Variants in DAB1 observed in about 807,000 individuals in gnomAD.
DAB1 encodes the protein disabled homolog 1.
In DAB1, 15 loss-of-function variants were observed where a neutral mutation model predicts 64.6. The ratio of observed to expected loss-of-function variants is 0.23; its 90% confidence interval spans 0.16 to 0.36. The LOEUF (loss-of-function observed/expected upper bound fraction) is 0.36. DAB1 is among the 10% of genes least tolerant of loss of function. The pLI is 1.00. For missense variants in DAB1, 596 were observed against 706.7 expected (o/e 0.84, Z 1.78); for synonymous variants, 235 against 251.9 (o/e 0.93, Z 0.64).
chr1:57,590,163 G>A (rs1645426675), intron 7 of DAB1, among the ~76,000 whole-genome samples: 1 of 152,128 alleles, frequency 6.6e-6, no homozygotes, highest in East Asian at 1.9e-4. Flanking sequence ...CTTTCAGATG[G>A]CAACCCTTTT....
At chr1:57,947,552 C>T (rs1645202092) in intron 5 of DAB1, among the ~76,000 whole-genome samples, 1 of 152,172 alleles carries the variant, frequency 6.6e-6, no homozygotes, top group Non-Finnish European at 1.5e-5. Flanking sequence ...TATTCTAGAC[C>T]TTGCCAAACG....
chr1:58,499,994 G>A (rs886596976), intron 3 of DAB1, among the ~76,000 whole-genome samples: 1 of 152,078 alleles, frequency 6.6e-6, no homozygotes, highest in Non-Finnish European at 1.5e-5. Context: ...ATTAATGCCA[G>A]AGAGTCTTCA....
At chr1:58,115,291 T>C (rs1570369971) in intron 5 of DAB1, among the ~76,000 whole-genome samples, 1 of 42,152 alleles carries the variant, frequency 2.4e-5, no homozygotes, top group African/African-American at 1.2e-4. Context: ...CTATGAGATA[T>C]CATCTCACAC....
intron 5 of DAB1, among the ~76,000 whole-genome samples, chr1:57,895,332 G>A (rs1297284030): frequency 2.6e-5 from 4 of 152,174 alleles, no homozygotes; most frequent in Non-Finnish European, 5.9e-5. Context: ...GAAGCTGAGA[G>A]GCTAAGTAAT....
intron 4 of DAB1, among the ~76,000 whole-genome samples, chr1:58,220,870 T>TAC (rs1440284422): frequency 4.8e-3 from 229 of 47,844 alleles, no homozygotes; most frequent in Admixed American, 0.011. Flanking sequence ...TATATACATA[T>TAC]ATACACACAC....
chr1:57,273,627 C>CCTAT (rs1671225626), intron 2 of DAB1, among the ~76,000 whole-genome samples: 1 of 130,778 alleles, frequency 7.6e-6, no homozygotes, highest in Non-Finnish European at 1.6e-5. Flanking sequence ...TCCCTCCCTC[C>CCTAT]CTCCCTCCCT....
At chr1:57,998,445 C>A (rs1196270114) in intron 5 of DAB1, among the ~76,000 whole-genome samples, 1 of 143,930 alleles carries the variant, frequency 6.9e-6, no homozygotes, top group Non-Finnish European at 1.5e-5. Flanking sequence ...CTCAGCTCAA[C>A]CTCTGCTTCC....
chr1:58,353,630 CCA>C (rs1354557149), intron 3 of DAB1, among the ~76,000 whole-genome samples: 2 of 152,088 alleles, frequency 1.3e-5, no homozygotes, highest in African/African-American at 4.8e-5. Flanking sequence ...AAAAGATTTT[CCA>C]TGTTTCAATT....
At position 57,846,404 on chromosome 1, in the gene DAB1, G is replaced by A. The variant is rs956491693; in HGVS notation, n.88-19949C>T. Among the ~76,000 whole-genome samples the A allele has an allele frequency of 5.4e-5, 8 of 148,714 alleles. No individual in the cohort carries two copies. In the South Asian group the frequency reaches 1.3e-3, roughly 24 times the overall value. On this transcript the variant is annotated intron_variant and non_coding_transcript_variant, in intron 1 of 1. Coordinates refer to the DAB1 transcript ENST00000477280. ...ACCCGGGAGGCAGAGCTTGCAGTAA[G>A]CCGAGATTGTGCCACTGCACTCCAG... is the stretch of plus-strand genomic sequence containing the variant.
chr1:58,542,712 T>C (rs1646641007), intron 1 of DAB1, among the ~76,000 whole-genome samples: 2 of 152,214 alleles, frequency 1.3e-5, no homozygotes, highest in Admixed American at 1.3e-4. Flanking sequence ...TGATTTACTG[T>C]AGTAGATAAG....
At chr1:58,242,442 G>T (rs964944516) in intron 4 of DAB1, among the ~76,000 whole-genome samples, 1 of 152,018 alleles carries the variant, frequency 6.6e-6, no homozygotes, top group Non-Finnish European at 1.5e-5. Flanking sequence ...AGCAGAATAT[G>T]TATAATTATA....
intron 5 of DAB1, among the ~76,000 whole-genome samples, chr1:58,128,438 G>A (rs1395065068): frequency 1.5e-5 from 2 of 133,826 alleles, no homozygotes; most frequent in Non-Finnish European, 3.1e-5. Flanking sequence ...TTTCCTAATT[G>A]AATACCCTTT....
chr1:57,992,426 GA>G (rs1646358707), intron 5 of DAB1, among the ~76,000 whole-genome samples: 4 of 152,116 alleles, frequency 2.6e-5, no homozygotes, highest in African/African-American at 9.7e-5. Flanking sequence ...CAAAGTTATT[GA>G]AAAATAGGCA....
intron 2 of DAB1, among the ~76,000 whole-genome samples, chr1:57,167,839 G>A (rs1661349097): frequency 2.0e-5 from 3 of 152,160 alleles, no homozygotes; most frequent in Admixed American, 2.0e-4. Flanking sequence ...GTGACTTGCA[G>A]GTCTGGTATA....
intron 5 of DAB1, among the ~76,000 whole-genome samples, chr1:58,127,960 A>C (rs1653244305): frequency 1.3e-5 from 2 of 152,080 alleles, no homozygotes; most frequent in Non-Finnish European, 2.9e-5. Flanking sequence ...TTGGTTCCAT[A>C]TGAACTTTAA....
intron 4 of DAB1, among the ~76,000 whole-genome samples, chr1:58,267,091 A>T (rs1184863258): frequency 6.6e-6 from 1 of 152,128 alleles, no homozygotes; most frequent in Non-Finnish European, 1.5e-5. Context: ...ATCATGGCAT[A>T]CGCCTGTGGT....
At chr1:58,243,651 A>G (rs1660400672) in intron 4 of DAB1, among the ~76,000 whole-genome samples, 1 of 152,206 alleles carries the variant, frequency 6.6e-6, no homozygotes, top group East Asian at 1.9e-4. Flanking sequence ...GGCCCAAGAC[A>G]GTTTATTTCA....
chr1:58,269,414 T>C (rs1426933807), intron 4 of DAB1, among the ~76,000 whole-genome samples: 14 of 150,254 alleles, frequency 9.3e-5, no homozygotes, highest in African/African-American at 2.7e-4. Context: ...CAGTCTATCA[T>C]TGTTGGACAT....
chr1:58,485,693 T>C (rs1645565195), intron 3 of DAB1, among the ~76,000 whole-genome samples: 1 of 152,246 alleles, frequency 6.6e-6, no homozygotes, highest in South Asian at 2.1e-4. Flanking sequence ...TCTTATTAAA[T>C]ATATCTTCAT....
Sources: gnomAD v4.1 joint callset for allele counts (sites outside exome capture counted in the v4.1 genomes callset) on GRCh38, gnomAD v4.1.1 for gene constraint, MANE v1.5 for transcripts, NCBI Gene and HGNC (gene_info 2026-07-23, HGNC 2026-07-21) for gene names.